Variants in IMMP2L observed in about 807,000 individuals in gnomAD.
IMMP2L encodes the protein inner mitochondrial membrane peptidase subunit 2, also known as mitochondrial inner membrane protease subunit 2.
Under a neutral mutation model 19.3 loss-of-function variants are expected in IMMP2L, and 18 were observed. That is an observed-to-expected ratio of 0.93 (90% CI 0.64 to 1.38). The LOEUF is 1.38. Among genes scored for constraint, IMMP2L ranks in the 40% most tolerant of loss-of-function variants. IMMP2L has a pLI of 0.00. For missense variants in IMMP2L, 233 were observed against 218.2 expected (o/e 1.07, Z -0.43); for synonymous variants, 76 against 73.0 (o/e 1.04, Z -0.21).
chr7:111,487,395 T>C (rs959003319), intron 2 of IMMP2L, 54 bp from the exon 3 acceptor site: 1 of 1,062,298 alleles, frequency 9.4e-7, no homozygotes, highest in Admixed American at 1.7e-5. Flanking sequence ...TCAATCTTCA[T>C]GGTTCTTGCA....
chr7:110,706,308 T>G (rs1322368111), intron 5 of IMMP2L, among the ~76,000 whole-genome samples: 1 of 152,116 alleles, frequency 6.6e-6, no homozygotes, highest in Non-Finnish European at 1.5e-5. Context: ...CTAGCCATCT[T>G]GCCAAGGCTG....
intron 1 of IMMP2L, among the ~76,000 whole-genome samples, chr7:111,555,465 A>T (rs1384021087): frequency 6.6e-6 from 1 of 152,148 alleles, no homozygotes; most frequent in African/African-American, 2.4e-5. Flanking sequence ...TTCACAAAAA[A>T]AAAAATATGA....
intron 3 of IMMP2L, among the ~76,000 whole-genome samples, chr7:111,419,092 T>C (rs1266525704): frequency 6.6e-6 from 1 of 151,844 alleles, no homozygotes; most frequent in East Asian, 1.9e-4. Context: ...CATAAATGGT[T>C]AAAGCTTTAA....
intron 3 of IMMP2L, among the ~76,000 whole-genome samples, chr7:111,368,702 A>C (rs1830010906): frequency 6.6e-6 from 1 of 152,014 alleles, no homozygotes; most frequent in East Asian, 1.9e-4. Context: ...ACTGGCAACA[A>C]GAGTAACAAC....
chr7:111,061,268 A>G (rs1314136707), intron 3 of IMMP2L, among the ~76,000 whole-genome samples: 1 of 152,198 alleles, frequency 6.6e-6, no homozygotes, highest in East Asian at 1.9e-4. Flanking sequence ...GATTAATCAG[A>G]CTGGCTAGTG....
intron 3 of IMMP2L, among the ~76,000 whole-genome samples, chr7:111,162,327 G>A (rs921202231): frequency 3.9e-5 from 6 of 152,020 alleles, no homozygotes; most frequent in Non-Finnish European, 5.9e-5. Context: ...ATAATTTTAC[G>A]AATTTATTCC....
intron 2 of IMMP2L, among the ~76,000 whole-genome samples, chr7:111,505,160 A>G (rs1370341627): frequency 4.6e-5 from 7 of 151,818 alleles, no homozygotes; most frequent in South Asian, 2.1e-4. Flanking sequence ...AAAAGTGGGC[A>G]AAGGATATGA....
intron 3 of IMMP2L, among the ~76,000 whole-genome samples, chr7:111,197,638 A>C (rs552808493): frequency 1.3e-5 from 2 of 152,334 alleles, no homozygotes; most frequent in South Asian, 2.1e-4. Context: ...ATCTGTCATC[A>C]GTTAAGGAAG....
chr7:111,335,905 T>C (rs898811431), intron 3 of IMMP2L, among the ~76,000 whole-genome samples: 1 of 152,146 alleles, frequency 6.6e-6, no homozygotes, highest in Non-Finnish European at 1.5e-5. Context: ...ATACATCAAA[T>C]GAATAATAAT....
At chr7:111,488,749 A>T (rs1056602985) in intron 2 of IMMP2L, among the ~76,000 whole-genome samples, 2 of 152,074 alleles carry the variant, frequency 1.3e-5, no homozygotes, top group Non-Finnish European at 2.9e-5. Context: ...CAAACGGTTG[A>T]TCGACTTTAG....
intron 4 of IMMP2L, among the ~76,000 whole-genome samples, chr7:110,909,298 C>A (rs928388249): frequency 6.6e-6 from 1 of 151,984 alleles, no homozygotes; most frequent in East Asian, 1.9e-4. Context: ...TGGTTAGGTG[C>A]CTAAATAAAT....
chr7:111,206,149 T>C (rs1215233037), intron 3 of IMMP2L, among the ~76,000 whole-genome samples: 1 of 152,168 alleles, frequency 6.6e-6, no homozygotes, highest in Non-Finnish European at 1.5e-5. Flanking sequence ...GCTGTGATTT[T>C]AAAGAATCTA....
intron 3 of IMMP2L, among the ~76,000 whole-genome samples, chr7:111,402,435 G>C (rs1348645844): frequency 6.6e-6 from 1 of 151,932 alleles, no homozygotes; most frequent in Non-Finnish European, 1.5e-5. Context: ...TTACAGATGG[G>C]CACGGTGGCT....
chr7:111,560,984 A>G (rs1480629656), intron 1 of IMMP2L, among the ~76,000 whole-genome samples: 1 of 152,214 alleles, frequency 6.6e-6, no homozygotes, highest in Non-Finnish European at 1.5e-5. Context: ...CAGTTTTACT[A>G]CATTCCTGCT....
rs953548375 is a variant in IMMP2L at position 111,309,221 on chromosome 7, G to A, written c.239+178017C>T. On this transcript the variant is annotated intron_variant, in intron 3 of 5. Transcript: ENST00000405709. ...TTTCATTATTTGCAGTTTTATTTGA[G>A]TGAGCTGACAAATGTACAACAAACA... is the stretch of plus-strand genomic sequence containing the variant. Among the ~76,000 whole-genome samples, 6 of 152,100 alleles carry A rather than the reference G, an allele frequency of 3.9e-5. No individual in the cohort carries two copies. The East Asian group carries it at 7.7e-4, about 20-fold the overall frequency.
intron 1 of IMMP2L, among the ~76,000 whole-genome samples, chr7:111,540,681 G>A (rs1848433813): frequency 6.6e-6 from 1 of 152,060 alleles, no homozygotes; most frequent in Non-Finnish European, 1.5e-5. Context: ...CCCCTAAAGG[G>A]TATACATAGG....
At chr7:111,344,441 T>C (rs368236282) in intron 3 of IMMP2L, among the ~76,000 whole-genome samples, 1 of 152,210 alleles carries the variant, frequency 6.6e-6, no homozygotes, top group Admixed American at 6.6e-5. Context: ...TAAACTGAAC[T>C]CTCAATCTGT....
intron 1 of IMMP2L, among the ~76,000 whole-genome samples, chr7:111,525,576 T>C (rs1222439353): frequency 6.6e-6 from 1 of 152,030 alleles, no homozygotes; most frequent in Non-Finnish European, 1.5e-5. Context: ...AGTAGCATGA[T>C]AGTGGAGATG....
At position 110,699,321 on chromosome 7, in the gene IMMP2L, A is replaced by T. The variant is rs187762338; in HGVS notation, c.409-35600T>A. ...ACCCAGAATATTAAGTCATATTAGGACAAAGAGCCTATGATGCCTAGGAAG... is the reference window on the plus strand; with the variant it reads ...ACCCAGAATATTAAGTCATATTAGGTCAAAGAGCCTATGATGCCTAGGAAG... On this transcript the variant is annotated intron_variant, in intron 5 of 5. Coordinates refer to ENST00000405709, the MANE Select transcript of IMMP2L (RefSeq NM_032549.4). 5.9e-4 allele frequency among the ~76,000 whole-genome samples: 90 copies of T among 152,316 alleles called. 1 individual carries two copies. The South Asian group carries it at 6.8e-3, about 12-fold the overall frequency.
Sources: gnomAD v4.1 joint callset for allele counts (sites outside exome capture counted in the v4.1 genomes callset) on GRCh38, gnomAD v4.1.1 for gene constraint, MANE v1.5 for transcripts, NCBI Gene and HGNC (gene_info 2026-07-23, HGNC 2026-07-21) for gene names.